The following FBLN1 variants were observed in gnomAD, a reference collection of about 807,000 sequenced individuals.
FBLN1 encodes fibulin 1.
FBLN1 carries 34 observed loss-of-function variants against 89.7 expected under a neutral mutation model. The ratio of observed to expected loss-of-function variants is 0.38; its 90% CI spans 0.29 to 0.50. The LOEUF is 0.50. FBLN1 is among the 20% of genes least tolerant of loss of function. The probability of loss-of-function intolerance (pLI) is 0.92; values close to 1 mark genes in which losing one functional copy is unlikely to be tolerated. For missense variants in FBLN1, 777 were observed against 988.1 expected (o/e 0.79, Z 2.86); for synonymous variants, 393 against 391.3 (o/e 1.00, Z -0.05).
intron 14 of FBLN1, chr22:45,551,079 G>A (rs766688763): frequency 7.6e-6 from 2 of 264,204 alleles, no homozygotes; most frequent in Non-Finnish European, 1.5e-5. Context: ...GCCAGAATTC[G>A]TCCAGCCTGG....
In FBLN1 at chr22:45,583,282, G is replaced by A. The variant is rs1317916876; in HGVS notation, c.1972+6174G>A. ...TGCTGCAGGATTCCTTAGAGAAGCT[G>A]AAGGGTTTGGGTCCTCAGCTCCTGG... On this transcript the variant is annotated intron_variant, in intron 16 of 16. Coordinates refer to ENST00000327858, the MANE Select transcript of FBLN1 (RefSeq NM_006486.3). The surrounding 1 kb of genome is among the most constrained non-coding windows in gnomAD (Gnocchi z 4.5). 3.9e-5 allele frequency among the ~76,000 whole-genome samples: 6 copies of A among 152,178 alleles called. No individual in the cohort carries two copies.
intron 8 of FBLN1, among the ~76,000 whole-genome samples, chr22:45,539,071 T>C: frequency 6.8e-6 from 1 of 147,402 alleles, no homozygotes. Flanking sequence ...CTCCTTCTCC[T>C]CCTCCTCTTC....
intron 14 of FBLN1, among the ~76,000 whole-genome samples, chr22:45,568,490 T>TTCTGTAGGGGAGTGCTC (rs1398640825): frequency 3.5e-5 from 3 of 84,750 alleles, no homozygotes; most frequent in Admixed American, 3.3e-4. Context: ...GGGGAATGCC[T>TTCTGTAGGGGAGTGCTC]CTTCTGTAGG....
chr22:45,535,852 C>A (rs1569244383), intron 8 of FBLN1, among the ~76,000 whole-genome samples: 1 of 152,240 alleles, frequency 6.6e-6, no homozygotes, highest in Non-Finnish European at 1.5e-5. Context: ...AGTGGTGATT[C>A]CCTGCCACAG....
At chr22:45,544,189 C>T (rs1292223791) in intron 11 of FBLN1, among the ~76,000 whole-genome samples, 5 of 152,062 alleles carry the variant, frequency 3.3e-5, no homozygotes, top group Admixed American at 6.5e-5. Flanking sequence ...CGGGTTCAAG[C>T]GATTCCCCTG....
intron 14 of FBLN1, among the ~76,000 whole-genome samples, chr22:45,551,471 GCAGCTGC>G (rs2088700192): frequency 6.6e-6 from 1 of 152,236 alleles, no homozygotes; most frequent in Non-Finnish European, 1.5e-5. Context: ...GACCCTAGGG[GCAGCTGC>G]CCTGGCTTGT....
chr22:45,553,207 C>T (rs1414739464), intron 14 of FBLN1, among the ~76,000 whole-genome samples: 1 of 152,200 alleles, frequency 6.6e-6, no homozygotes, highest in Non-Finnish European at 1.5e-5. Flanking sequence ...AAGGAGGGGG[C>T]CTAGAGGGCC....
chr22:45,565,377 C>A, intron 14 of FBLN1: 3 of 970,882 alleles, frequency 3.1e-6, no homozygotes, highest in Non-Finnish European at 4.0e-6. Context: ...ACCCTGGCCC[C>A]ACGGGGAGGC....
chr22:45,527,754 G>T, intron 3 of FBLN1, 93 bp from the exon 4 acceptor site: 1 of 1,315,650 alleles, frequency 7.6e-7, no homozygotes, highest in South Asian at 1.2e-5. Context: ...TGTGTGGACA[G>T]GGGGCTCAGA....
intron 14 of FBLN1, among the ~76,000 whole-genome samples, chr22:45,555,653 G>A (rs1015590584): frequency 9.9e-5 from 15 of 152,072 alleles, no homozygotes; most frequent in Admixed American, 8.5e-4. Flanking sequence ...GACACACCCA[G>A]GATCAATACT....
chr22:45,523,845 T>A (rs1340629569), intron 2 of FBLN1, among the ~76,000 whole-genome samples: 1 of 152,240 alleles, frequency 6.6e-6, no homozygotes, highest in Non-Finnish European at 1.5e-5. Flanking sequence ...ATTCTATTTT[T>A]AATTTTGGGA....
At chr22:45,552,572 A>G (rs961602864) in intron 14 of FBLN1, among the ~76,000 whole-genome samples, 1 of 152,228 alleles carries the variant, frequency 6.6e-6, no homozygotes, top group South Asian at 2.1e-4. Flanking sequence ...TTTAAAATCT[A>G]AAAGAGCCAT....
chr22:45,582,769 T>C (rs1034495929), intron 16 of FBLN1, among the ~76,000 whole-genome samples: 1 of 152,208 alleles, frequency 6.6e-6, no homozygotes, highest in African/African-American at 2.4e-5. Flanking sequence ...CCCTCTGATA[T>C]GATTTAGTGC....
intron 14 of FBLN1, chr22:45,565,030 C>T: frequency 6.2e-7 from 1 of 1,612,092 alleles, no homozygotes; most frequent in Non-Finnish European, 8.5e-7. Context: ...CAGCTCCACA[C>T]CTTGCGCTGA....
chr22:45,503,095 T>A, intron 1 of FBLN1, 31 bp downstream of exon 1: 1 of 1,223,480 alleles, frequency 8.2e-7, no homozygotes, highest in Non-Finnish European at 1.0e-6. Flanking sequence ...CCGCCCCAGC[T>A]TAGGGTCCCG....
At chr22:45,584,374 C>T (rs2089067396) in intron 16 of FBLN1, among the ~76,000 whole-genome samples, 1 of 152,140 alleles carries the variant, frequency 6.6e-6, no homozygotes, top group South Asian at 2.1e-4. Flanking sequence ...TTTTAAATTC[C>T]ATCTGTGGGT....
In FBLN1 at chr22:45,503,332, A is replaced by G. The variant is rs537100970; in HGVS notation, c.79+268A>G. 2.6e-3 allele frequency: 622 copies of G among 242,408 alleles called. 4 individuals are homozygous for G. The highest frequency in any genetic ancestry group is 0.014 in the African/African-American group (609 of 44,080). 15.0% of individuals were successfully genotyped at this position (242,408 alleles called of 1,614,324 possible). A position where few individuals can be genotyped will look rare whatever the true frequency, so the allele number is the denominator to read the frequency against. On this transcript the variant is annotated intron_variant, in intron 1 of 16. Coordinates refer to ENST00000327858, the MANE Select transcript of FBLN1 (RefSeq NM_006486.3). ...GTCCTACCCCAGTCCTAGCAAATCC[A>G]GCCGGCTCCGGGGGCCGCATCCCGG...
Position 45,527,956 on chromosome 22 carries a change from G to C in FBLN1, c.431G>C (p.Cys144Ser). ...TGTGGACAGGTCTTCCAGGCATGCT[G>C]TGTCAAGAGCCAGGAGACCGGAGAT... ...YQCGQVFQACCVKSQETGDLD... is the reference protein window; with the variant it reads ...YQCGQVFQACSVKSQETGDLD... Residue 144 changes from cysteine to serine, a missense_variant, in exon 4 of 17, where the codon TGT becomes TCT. Transcript: ENST00000327858. 1 of 1,614,238 alleles carries C rather than the reference G, an allele frequency of 6.2e-7. No individual in the cohort carries two copies. Among genetic ancestry groups the C allele is most frequent in the South Asian group, 1.1e-5 (1 of 91,086 alleles).
chr22:45,552,388 C>T (rs1602202468), intron 14 of FBLN1, among the ~76,000 whole-genome samples: 1 of 152,158 alleles, frequency 6.6e-6, no homozygotes, highest in East Asian at 1.9e-4. Context: ...AGCTGCTGGG[C>T]GCCTGGCTTG....
Sources: gnomAD v4.1 joint callset for allele counts (sites outside exome capture counted in the v4.1 genomes callset) on GRCh38, gnomAD v4.1.1 for gene constraint, Gnocchi (gnomAD v3.1) non-coding constraint, MANE v1.5 for transcripts, NCBI Gene and HGNC (gene_info 2026-07-23, HGNC 2026-07-21) for gene names.